CD226: variants seen among roughly 807,000 people sequenced by gnomAD.
CD226 encodes CD226 antigen.
CD226 carries 24 observed loss-of-function variants against 34.9 expected under a neutral mutation model. The observed-to-expected ratio is 0.69, with a 90% confidence interval of 0.50 to 0.97. The LOEUF (loss-of-function observed/expected upper bound fraction) is 0.97, where lower values mean the gene tolerates loss of function less well. Ranked by LOEUF, CD226 falls within the 50% of genes least tolerant of loss-of-function variation. The pLI, the probability that CD226 is intolerant of heterozygous loss-of-function variation, is 0.00. For missense variants in CD226, 397 were observed against 412.7 expected, an observed-to-expected ratio of 0.96 and a Z score of 0.33; for synonymous variants, 148 against 147.4, an observed-to-expected ratio of 1.00 and a Z score of -0.03.
At chr18:69,916,490 G>A (rs892354762) in intron 2 of CD226, among the ~76,000 whole-genome samples, 2 of 152,052 alleles carry the variant, frequency 1.3e-5, no homozygotes, top group Non-Finnish European at 2.9e-5. Context: ...AATACCCTCC[G>A]GAAAGCCATG....
intron 3 of CD226, among the ~76,000 whole-genome samples, chr18:69,882,798 G>C (rs1472097308): frequency 6.6e-6 from 1 of 152,156 alleles, no homozygotes. Flanking sequence ...CAAGTAGCTG[G>C]GACCACAGGC....
In CD226 at chr18:69,862,616, A is replaced by T. The variant is rs1982885109; in HGVS notation, c.*1698T>A. The T allele has an allele frequency of 6.6e-6, 1 of 152,238 alleles. No individual in the cohort carries two copies. The allele number at this position is 152,238 out of a possible 1,614,324, so 9.4% of individuals were successfully genotyped here. ...TTTTTCACTCCTGAAAAGGGTTAAA[A>T]GAAACTCACAAATTTTATAATTCAC... On this transcript the variant is annotated 3_prime_UTR_variant, in exon 6 of 6. Transcript: ENST00000582621.
At chr18:69,877,478 CAACCTTGTAGAAAT>C (rs1305618173) in intron 3 of CD226, among the ~76,000 whole-genome samples, 7 of 152,144 alleles carry the variant, frequency 4.6e-5, no homozygotes, top group Non-Finnish European at 1.0e-4. Context: ...GTATGACTGA[CAACCTTGTAGAAAT>C]GGGACTGGGC....
chr18:69,910,864 A>T (rs564248695), intron 2 of CD226, among the ~76,000 whole-genome samples: 1 of 152,302 alleles, frequency 6.6e-6, no homozygotes, highest in Admixed American at 6.5e-5. Context: ...GAGTCTATAA[A>T]AGAAAAGAAA....
At chr18:69,883,277 T>C (rs1253177171) in intron 3 of CD226, among the ~76,000 whole-genome samples, 1 of 152,162 alleles carries the variant, frequency 6.6e-6, no homozygotes, top group Non-Finnish European at 1.5e-5. Flanking sequence ...AACCGTTGTT[T>C]TTTATAACAA....
intron 2 of CD226, among the ~76,000 whole-genome samples, chr18:69,930,233 T>A (rs2055572881): frequency 6.6e-6 from 1 of 152,124 alleles, no homozygotes; most frequent in Non-Finnish European, 1.5e-5. Flanking sequence ...TGGTTTGAGA[T>A]AAATGGATAT....
At chr18:69,866,311 C>T (rs1983140617) in intron 5 of CD226, among the ~76,000 whole-genome samples, 1 of 152,052 alleles carries the variant, frequency 6.6e-6, no homozygotes, top group African/African-American at 2.4e-5. Context: ...AAACAGGATG[C>T]TATGCATTAA....
rs920210914 is a variant in CD226, at chr18:69,889,809, G to T, written c.727+5892C>A. ...ATCCTATACCTCACATCGTCCCAGA[G>T]GAAATATCTGGGAAGATTCTCTTAG... On this transcript the variant is annotated intron_variant, in intron 3 of 5. Transcript: ENST00000582621. Among the ~76,000 whole-genome samples, 5 of 152,212 alleles carry T rather than the reference G, an allele frequency of 3.3e-5. No individual in the cohort carries two copies. The South Asian group carries it at 1.0e-3, about 32-fold the overall frequency.
At chr18:69,901,163 C>A (rs1464745423) in intron 2 of CD226, among the ~76,000 whole-genome samples, 4 of 150,716 alleles carry the variant, frequency 2.7e-5, no homozygotes, top group South Asian at 2.1e-4. Flanking sequence ...ACAACAACAA[C>A]AAAAAAATGA....
chr18:69,876,739 C>T (rs1320078203), intron 3 of CD226, among the ~76,000 whole-genome samples: 1 of 152,164 alleles, frequency 6.6e-6, no homozygotes, highest in African/African-American at 2.4e-5. Context: ...ACATGATCTA[C>T]CCAAGGACAG....
At chr18:69,900,756 A>AAAT (rs1555680749) in intron 2 of CD226, among the ~76,000 whole-genome samples, 6 of 150,792 alleles carry the variant, frequency 4.0e-5, no homozygotes, top group African/African-American at 1.5e-4. Context: ...AAAAAAAAAA[A>AAAT]TTTCTAATAA....
chr18:69,909,166 G>A (rs1411813444), intron 2 of CD226, among the ~76,000 whole-genome samples: 1 of 152,174 alleles, frequency 6.6e-6, no homozygotes, highest in African/African-American at 2.4e-5. Flanking sequence ...CCTTCAGTAT[G>A]TCTAATCTTA....
intron 2 of CD226, among the ~76,000 whole-genome samples, chr18:69,923,253 G>A (rs1363672115): frequency 1.3e-5 from 2 of 151,944 alleles, no homozygotes; most frequent in Non-Finnish European, 2.9e-5. Flanking sequence ...GAGAGAGAAG[G>A]AAGGAAAGAA....
chr18:69,954,985 G>A (rs2055884334), intron 1 of CD226, among the ~76,000 whole-genome samples: 1 of 152,092 alleles, frequency 6.6e-6, no homozygotes, highest in South Asian at 2.1e-4. Context: ...GTATAAAAGA[G>A]CTTTGTCCTC....
chr18:69,934,436 G>A (rs2055627726), intron 2 of CD226, among the ~76,000 whole-genome samples: 1 of 152,178 alleles, frequency 6.6e-6, no homozygotes, highest in Non-Finnish European at 1.5e-5. Context: ...AAATGAGAAT[G>A]TTAAGTTTCT....
At chr18:69,867,877 T>C (rs1325884452) in intron 4 of CD226, among the ~76,000 whole-genome samples, 1 of 152,234 alleles carries the variant, frequency 6.6e-6, no homozygotes, top group African/African-American at 2.4e-5. Flanking sequence ...AAATCACTTA[T>C]GTAGATTATT....
chr18:69,896,991 C>T (rs903302379), intron 2 of CD226, among the ~76,000 whole-genome samples: 1 of 152,124 alleles, frequency 6.6e-6, no homozygotes, highest in African/African-American at 2.4e-5. Context: ...TATCTAAGTC[C>T]ATGGTCCTTA....
chr18:69,893,969 T>C (rs1985054194), intron 3 of CD226, among the ~76,000 whole-genome samples: 2 of 152,140 alleles, frequency 1.3e-5, no homozygotes, highest in African/African-American at 4.8e-5. Context: ...GAGCAAAGTC[T>C]ATAAAGGGAC....
intron 4 of CD226, among the ~76,000 whole-genome samples, 165 bp from the exon 5 acceptor site, chr18:69,867,576 T>C (rs574007588): frequency 6.6e-6 from 1 of 152,352 alleles, no homozygotes; most frequent in East Asian, 1.9e-4. Flanking sequence ...ACAGTTTTTT[T>C]CATTTTCCCT....
Sources: allele counts gnomAD v4.1 joint callset (sites outside exome capture counted in the v4.1 genomes callset), GRCh38; gene constraint gnomAD v4.1.1; transcripts MANE v1.5; gene names NCBI Gene and HGNC (gene_info 2026-07-23, HGNC 2026-07-21).